The following CHCHD6 variants were observed in gnomAD, a reference collection of about 807,000 sequenced individuals.
CHCHD6 encodes the protein coiled-coil-helix-coiled-coil-helix domain containing 6.
CHCHD6 carries 28 observed loss-of-function variants against 32.3 expected under a neutral mutation model. The observed-to-expected ratio is 0.87, with a 90% CI of 0.64 to 1.19. The LOEUF (loss-of-function observed/expected upper bound fraction) is 1.19, where lower values mean the gene tolerates loss of function less well. Ranked by LOEUF, CHCHD6 falls within the 50% of genes most tolerant of loss-of-function variation. CHCHD6 has a pLI of 0.00. For missense variants in CHCHD6, 333 were observed against 307.0 expected (o/e 1.08, Z -0.63); for synonymous variants, 122 against 117.5 (o/e 1.04, Z -0.25).
intron 6 of CHCHD6, among the ~76,000 whole-genome samples, chr3:126,917,715 G>A (rs1031399767): frequency 4.6e-5 from 7 of 152,176 alleles, no homozygotes; most frequent in African/African-American, 1.4e-4. Flanking sequence ...TAGGAGGTGG[G>A]GCCTTTGCAA....
rs189975585 is a variant in CHCHD6 at position 126,946,879 on chromosome 3, T to C, written c.567-10537T>C. On this transcript the variant is annotated intron_variant, in intron 6 of 7. Coordinates refer to ENST00000290913, the MANE Select transcript of CHCHD6 (RefSeq NM_032343.3). ...GCTGATGTTTCTCTGAAATTAAGTA[T>C]CAGGAGGACATATAATAGCCCAGTT... Among the ~76,000 whole-genome samples the C allele has an allele frequency of 9.2e-5, 14 of 152,338 alleles. No individual in the cohort carries two copies. The East Asian group carries it at 2.5e-3, about 27-fold the overall frequency.
chr3:126,815,236 T>G (rs186005812), intron 4 of CHCHD6, among the ~76,000 whole-genome samples: 121 of 152,158 alleles, frequency 8.0e-4, no homozygotes, highest in African/African-American at 2.9e-3. Flanking sequence ...AGCTCTGTTA[T>G]TATTTCCTAC....
At chr3:126,834,270 G>A (rs995992058) in intron 4 of CHCHD6, among the ~76,000 whole-genome samples, 1 of 152,052 alleles carries the variant, frequency 6.6e-6, no homozygotes, top group Non-Finnish European at 1.5e-5. Flanking sequence ...GGGATCAATA[G>A]CTATAGACCA....
At chr3:126,946,698 G>A (rs956947474) in intron 6 of CHCHD6, among the ~76,000 whole-genome samples, 5 of 152,188 alleles carry the variant, frequency 3.3e-5, no homozygotes, top group African/African-American at 9.7e-5. Context: ...TTAGTAACCA[G>A]CTGGTCTCAT....
At chr3:126,741,573 A>G (rs570018592) in intron 4 of CHCHD6, among the ~76,000 whole-genome samples, 1 of 152,224 alleles carries the variant, frequency 6.6e-6, no homozygotes, top group African/African-American at 2.4e-5. Flanking sequence ...CTCTCTGTTC[A>G]TCTCACTGCC....
At chr3:126,958,699 G>C (rs532855105) in intron 7 of CHCHD6, among the ~76,000 whole-genome samples, 1 of 152,210 alleles carries the variant, frequency 6.6e-6, no homozygotes, top group Non-Finnish European at 1.5e-5. Context: ...ATGAGTGGTC[G>C]CAAGGCCTCT....
At chr3:126,865,203 TCCTC>T (rs1165793266) in intron 5 of CHCHD6, among the ~76,000 whole-genome samples, 5 of 128,300 alleles carry the variant, frequency 3.9e-5, no homozygotes, top group African/African-American at 1.3e-4. Context: ...CTCCACTTCT[TCCTC>T]CTCCTCCTCC....
In CHCHD6 at chr3:126,892,703, A is replaced by G. The variant is rs192160146; in HGVS notation, c.496-21977A>G. The stretch of plus-strand genomic sequence containing the variant: ...CCTTACTCTCATTTCCATATGAGAC[A>G]TGAGTTTAGAAACTCCTGAGGAACT... On this transcript the variant is annotated intron_variant, in intron 5 of 7. Coordinates refer to ENST00000290913, the MANE Select transcript of CHCHD6 (RefSeq NM_032343.3). Among the ~76,000 whole-genome samples, 8 of 152,308 alleles carry G rather than the reference A, an allele frequency of 5.3e-5. No individual in the cohort carries two copies. The East Asian group carries it at 1.4e-3, about 26-fold the overall frequency.
rs1227556101 is a variant in CHCHD6 at position 126,920,338 on chromosome 3, T to C, written c.566+5588T>C. On this transcript the variant is annotated intron_variant, in intron 6 of 7. Coordinates refer to ENST00000290913, the MANE Select transcript of CHCHD6 (RefSeq NM_032343.3). ...GGTCTACTTCTGTTGCCTTTTTTTTTCTTGGGTCCTATTTATTTATATGTC... is the reference window on the plus strand; with the variant it reads ...GGTCTACTTCTGTTGCCTTTTTTTTCCTTGGGTCCTATTTATTTATATGTC... Among the ~76,000 whole-genome samples the C allele has an allele frequency of 8.5e-5, 13 of 152,090 alleles. No homozygotes were observed. In the East Asian group the frequency reaches 1.3e-3, roughly 16 times the overall value.
rs1463670061 is a variant in CHCHD6 at position 126,712,290 on chromosome 3, T to C, written c.87+7891T>C. 1.3e-5 allele frequency among the ~76,000 whole-genome samples: 2 copies of C among 152,332 alleles called. 1 individual carries two copies. The highest frequency in any genetic ancestry group is 3.9e-4 in the East Asian group (2 of 5,186). On this transcript the variant is annotated intron_variant, in intron 1 of 7. Transcript: ENST00000290913. The stretch of plus-strand genomic sequence containing the variant: ...ATATCCTTTAAATTTTATCATAATA[T>C]AGTACAGCGTAACCAGTAATACAAT...
At chr3:126,856,676 A>G (rs1257923577) in intron 5 of CHCHD6, among the ~76,000 whole-genome samples, 1 of 152,148 alleles carries the variant, frequency 6.6e-6, no homozygotes, top group Non-Finnish European at 1.5e-5. Context: ...GAACCCCCAC[A>G]CTTTATCGTC....
At chr3:126,792,412 G>A (rs1164040793) in intron 4 of CHCHD6, among the ~76,000 whole-genome samples, 3 of 152,008 alleles carry the variant, frequency 2.0e-5, no homozygotes, top group Non-Finnish European at 4.4e-5. Context: ...AGGGGTGCCA[G>A]TTTCTCCATG....
intron 5 of CHCHD6, among the ~76,000 whole-genome samples, chr3:126,896,327 T>G (rs967543020): frequency 1.5e-4 from 23 of 152,158 alleles, no homozygotes; most frequent in South Asian, 2.1e-4. Flanking sequence ...AAAAAGTACT[T>G]TAGTTAGATT....
chr3:126,922,701 T>C (rs2078269564), intron 6 of CHCHD6, among the ~76,000 whole-genome samples: 2 of 151,448 alleles, frequency 1.3e-5, no homozygotes, highest in Non-Finnish European at 2.9e-5. Flanking sequence ...AGGCATTGAC[T>C]CCCGTGTGTA....
At chr3:126,746,413 T>C (rs771603043) in intron 4 of CHCHD6, among the ~76,000 whole-genome samples, 139 of 152,260 alleles carry the variant, frequency 9.1e-4, no homozygotes, top group South Asian at 6.2e-4. Flanking sequence ...TCTGCTTGTG[T>C]GTAGTGGTTC....
chr3:126,763,053 G>T (rs1334038308), intron 4 of CHCHD6, among the ~76,000 whole-genome samples: 1 of 151,998 alleles, frequency 6.6e-6, no homozygotes, highest in African/African-American at 2.4e-5. Flanking sequence ...AAGGACTTTT[G>T]CCATTTTTGC....
chr3:126,954,401 G>A lies in CHCHD6; in HGVS notation c.567-3015G>A, dbSNP rs74785328. ...GTGTCTTCCTGCACATCGCCATTCTGCAAAGTGTCGGCGTCTCTGTTGTGC... is the reference window on the plus strand; with the variant it reads ...GTGTCTTCCTGCACATCGCCATTCTACAAAGTGTCGGCGTCTCTGTTGTGC... On this transcript the variant is annotated intron_variant, in intron 6 of 7. Coordinates refer to ENST00000290913, the MANE Select transcript of CHCHD6 (RefSeq NM_032343.3). 2.4e-3 allele frequency among the ~76,000 whole-genome samples: 359 copies of A among 152,346 alleles called. 5 individuals carry two copies. The highest frequency in any genetic ancestry group is 0.015 in the East Asian group (78 of 5,188).
In CHCHD6 at chr3:126,897,143, A is replaced by G. The variant is rs542687628; in HGVS notation, c.496-17537A>G. ...GTGCTGTTCGGGGAGAGAGAGAGCCATGCTGACAGGGTCCCCCAGCTGGCA... is the reference window on the plus strand; with the variant it reads ...GTGCTGTTCGGGGAGAGAGAGAGCCGTGCTGACAGGGTCCCCCAGCTGGCA... On this transcript the variant is annotated intron_variant, in intron 5 of 7. Transcript: ENST00000290913. Among the ~76,000 whole-genome samples the G allele has an allele frequency of 1.8e-3, 267 of 152,314 alleles. 3 individuals carry two copies. Among genetic ancestry groups the G allele is most frequent in the Admixed American group, 6.2e-3 (95 of 15,298 alleles).
chr3:126,865,131 T>TCCA (rs1942235432), intron 5 of CHCHD6, among the ~76,000 whole-genome samples: 2 of 110,018 alleles, frequency 1.8e-5, no homozygotes, highest in South Asian at 6.5e-4. Flanking sequence ...CTCCTCCTCC[T>TCCA]CCTCCACCAC....
Sources: gnomAD v4.1 joint callset for allele counts (sites outside exome capture counted in the v4.1 genomes callset) on GRCh38, gnomAD v4.1.1 for gene constraint, MANE v1.5 for transcripts, NCBI Gene and HGNC (gene_info 2026-07-23, HGNC 2026-07-21) for gene names.